The following RNF2 variants were observed in gnomAD, a reference collection of about 807,000 sequenced individuals.
RNF2 encodes the protein ring finger protein 2.
In RNF2, 6 loss-of-function variants were observed where a neutral mutation model predicts 37.2. The ratio of observed to expected loss-of-function variants is 0.16; its 90% CI spans 0.09 to 0.32. The LOEUF is 0.32. Ranked by LOEUF, RNF2 falls within the 10% of genes least tolerant of loss-of-function variation. The pLI is 1.00. For missense variants in RNF2, 251 were observed against 404.0 expected, an observed-to-expected ratio of 0.62 and a Z score of 3.25; for synonymous variants, 133 against 132.7, an observed-to-expected ratio of 1.00 and a Z score of -0.02.
At chr1:185,098,028 G>C in intron 4 of RNF2, 44 bp from the exon 5 acceptor site, 1 of 1,597,448 alleles carries the variant, frequency 6.3e-7, no homozygotes, top group South Asian at 1.1e-5. Flanking sequence ...TGCTTTAAAG[G>C]CCTAAAAGTA....
intron 1 of RNF2, among the ~76,000 whole-genome samples, chr1:185,062,438 T>A (rs76797771): frequency 0.017 from 2,597 of 152,188 alleles, 73 homozygotes; most frequent in African/African-American, 0.058. Flanking sequence ...AATTAGAAGA[T>A]AGCATGCTAA....
chr1:185,089,246 C>T (rs1036317672), intron 2 of RNF2, among the ~76,000 whole-genome samples: 1 of 152,222 alleles, frequency 6.6e-6, no homozygotes, highest in Non-Finnish European at 1.5e-5. Context: ...TGCTTACTTG[C>T]CTGCTGCTCA....
At chr1:185,066,607 T>G (rs183695733) in intron 1 of RNF2, among the ~76,000 whole-genome samples, 236 of 152,368 alleles carry the variant, frequency 1.5e-3, no homozygotes, top group Non-Finnish European at 2.6e-3. Context: ...GTTCTCATTT[T>G]CTATCACATG....
chr1:185,048,196 C>T (rs546956378), intron 1 of RNF2, among the ~76,000 whole-genome samples: 1 of 152,184 alleles, frequency 6.6e-6, no homozygotes, highest in African/African-American at 2.4e-5. Flanking sequence ...TAGTGTGTTG[C>T]CAGGCAGGAG....
At chr1:185,093,852 C>T (rs1017130577) in intron 4 of RNF2, among the ~76,000 whole-genome samples, 26 of 152,116 alleles carry the variant, frequency 1.7e-4, no homozygotes, top group African/African-American at 5.3e-4. Flanking sequence ...GTCCCAGAGA[C>T]CAGTGTTTGT....
chr1:185,084,307 T>C (rs1651516246), intron 1 of RNF2, among the ~76,000 whole-genome samples: 1 of 152,132 alleles, frequency 6.6e-6, no homozygotes, highest in Non-Finnish European at 1.5e-5. Flanking sequence ...CGAATCAGCA[T>C]TGTAGCAATT....
chr1:185,091,459 A>AGTG, intron 2 of RNF2, 120 bp from the exon 3 acceptor site: 1 of 873,442 alleles, frequency 1.1e-6, no homozygotes, highest in Non-Finnish European at 1.7e-6. Flanking sequence ...TGACAATGGC[A>AGTG]GTGGCTGGGT....
rs1386876613 is a variant in RNF2 at position 185,091,527 on chromosome 1, G to T, written c.88-52G>T. 24 of 1,557,972 alleles carry T rather than the reference G, an allele frequency of 1.5e-5. No individual in the cohort carries two copies. The East Asian group carries it at 5.2e-4, about 33-fold the overall frequency. On this transcript the variant is annotated intron_variant, in intron 2 of 6. Coordinates refer to ENST00000367510, the MANE Select transcript of RNF2 (RefSeq NM_007212.4). ...CCAGTACTTTTATATGTTTGAGCTT[G>T]TCCATAATAAAAAATTAAGTAGCTT...
chr1:185,069,223 T>G (rs144360570), intron 1 of RNF2, among the ~76,000 whole-genome samples: 38 of 152,162 alleles, frequency 2.5e-4, no homozygotes, highest in African/African-American at 8.9e-4. Flanking sequence ...AAGGCCAAGG[T>G]TGGCGGATTG....
intron 1 of RNF2, among the ~76,000 whole-genome samples, chr1:185,063,207 A>T (rs1040738138): frequency 2.0e-5 from 3 of 152,190 alleles, no homozygotes; most frequent in Non-Finnish European, 2.9e-5. Flanking sequence ...TTCTTAGGTC[A>T]CTGAAACAGT....
At chr1:185,091,332 T>C (rs1302408814) in intron 2 of RNF2, among the ~76,000 whole-genome samples, 1 of 152,218 alleles carries the variant, frequency 6.6e-6, no homozygotes, top group Non-Finnish European at 1.5e-5. Flanking sequence ...ACTAGTAAGC[T>C]TTTAAATACA....
intron 1 of RNF2, chr1:185,071,959 A>C (rs999772269): frequency 6.6e-6 from 1 of 152,442 alleles, no homozygotes; most frequent in African/African-American, 2.4e-5. Flanking sequence ...TGGCAAAGCC[A>C]TATCATTGTG....
intron 1 of RNF2, 60 bp from the exon 2 acceptor site, chr1:185,087,492 C>T (rs188808801): frequency 1.1e-5 from 16 of 1,395,652 alleles, no homozygotes; most frequent in Non-Finnish European, 1.6e-5. Context: ...CACATACATT[C>T]AGACCATAGC....
At chr1:185,073,682 A>G (rs1415842251) in intron 1 of RNF2, among the ~76,000 whole-genome samples, 3 of 152,240 alleles carry the variant, frequency 2.0e-5, no homozygotes, top group Non-Finnish European at 4.4e-5. Context: ...CTTACAAGGA[A>G]TGCAGGTAAG....
intron 1 of RNF2, among the ~76,000 whole-genome samples, chr1:185,055,881 C>T (rs1366380403): frequency 6.6e-6 from 1 of 152,054 alleles, no homozygotes; most frequent in Non-Finnish European, 1.5e-5. Flanking sequence ...GTGAAGAAAA[C>T]AGGGCTCTTT....
intron 1 of RNF2, among the ~76,000 whole-genome samples, chr1:185,075,494 T>C (rs1297985285): frequency 6.6e-6 from 1 of 152,230 alleles, no homozygotes; most frequent in Admixed American, 6.5e-5. Flanking sequence ...TGTTCTTGCA[T>C]TGCTGTGTAA....
intron 1 of RNF2, among the ~76,000 whole-genome samples, chr1:185,081,848 T>C (rs934926989): frequency 5.3e-5 from 8 of 152,300 alleles, no homozygotes; most frequent in Admixed American, 3.9e-4. Context: ...AGCATATTTC[T>C]CAGATGTAAT....
intron 1 of RNF2, among the ~76,000 whole-genome samples, chr1:185,061,662 T>C (rs1049380496): frequency 8.5e-5 from 13 of 152,214 alleles, no homozygotes; most frequent in African/African-American, 2.9e-4. Flanking sequence ...AATTTTAATA[T>C]GCAGTATACC....
At chr1:185,074,402 T>G (rs1489618398) in intron 1 of RNF2, among the ~76,000 whole-genome samples, 2 of 152,066 alleles carry the variant, frequency 1.3e-5, no homozygotes, top group Non-Finnish European at 2.9e-5. Flanking sequence ...CCTCTAATCT[T>G]GTGGTTGGTT....
Sources: gnomAD v4.1 joint callset for allele counts (sites outside exome capture counted in the v4.1 genomes callset) on GRCh38, gnomAD v4.1.1 for gene constraint, MANE v1.5 for transcripts, NCBI Gene and HGNC (gene_info 2026-07-23, HGNC 2026-07-21) for gene names.